The following RAB2A variants were observed in gnomAD, a reference collection of about 807,000 sequenced individuals.
The protein encoded by RAB2A is RAB2A, member RAS oncogene family.
RAB2A carries 7 observed loss-of-function variants against 32.5 expected under a neutral mutation model. The observed-to-expected ratio is 0.22, with a 90% CI of 0.12 to 0.40. RAB2A has a LOEUF of 0.40. RAB2A is among the 10% of genes least tolerant of loss of function. The pLI is 1.00. For missense variants in RAB2A, 108 were observed against 260.7 expected, an observed-to-expected ratio of 0.41 and a Z score of 4.03; for synonymous variants, 79 against 85.2, an observed-to-expected ratio of 0.93 and a Z score of 0.40.
intron 5 of RAB2A, among the ~76,000 whole-genome samples, chr8:60,590,793 T>C (rs1283128116): frequency 1.3e-5 from 2 of 151,656 alleles, no homozygotes; most frequent in Non-Finnish European, 2.9e-5. Context: ...AGTTAACAAG[T>C]TGTAAAACAG....
chr8:60,540,962 A>T (rs1807635409), intron 1 of RAB2A, among the ~76,000 whole-genome samples: 1 of 152,126 alleles, frequency 6.6e-6, no homozygotes, highest in Non-Finnish European at 1.5e-5. Flanking sequence ...GTGCATAGTA[A>T]TTTCCTTCCC....
intron 6 of RAB2A, among the ~76,000 whole-genome samples, chr8:60,596,880 C>T (rs891390480): frequency 2.6e-5 from 4 of 152,112 alleles, no homozygotes; most frequent in Admixed American, 6.5e-5. Flanking sequence ...AAGATCACAC[C>T]ATTGCACTCC....
At chr8:60,562,581 C>G (rs980607116) in intron 2 of RAB2A, among the ~76,000 whole-genome samples, 1 of 152,006 alleles carries the variant, frequency 6.6e-6, no homozygotes, top group African/African-American at 2.4e-5. Context: ...TAAATGTGCT[C>G]TATACATTCA....
intron 5 of RAB2A, 62 bp downstream of exon 5, chr8:60,584,877 C>G (rs575279225): frequency 3.3e-6 from 4 of 1,201,538 alleles, no homozygotes; most frequent in Non-Finnish European, 4.7e-6. Context: ...GTTTATTTGA[C>G]TACTTTCCTT....
At chr8:60,602,142 T>A (rs1804144579) in intron 6 of RAB2A, among the ~76,000 whole-genome samples, 1 of 152,118 alleles carries the variant, frequency 6.6e-6, no homozygotes, top group Admixed American at 6.5e-5. Context: ...CCTCCCAACG[T>A]GCTGGGATTA....
At chr8:60,566,064 C>A (rs1302633982) in intron 2 of RAB2A, among the ~76,000 whole-genome samples, 1 of 152,166 alleles carries the variant, frequency 6.6e-6, no homozygotes, top group Non-Finnish European at 1.5e-5. Context: ...AGAATATGAT[C>A]ATTGTGAAAA....
chr8:60,532,672 G>A (rs895077817), intron 1 of RAB2A, among the ~76,000 whole-genome samples: 8 of 152,186 alleles, frequency 5.3e-5, no homozygotes, highest in Admixed American at 3.3e-4. Context: ...CAGCACAGCC[G>A]GCTATTTTTG....
At chr8:60,592,012 A>G (rs1803951976) in intron 6 of RAB2A, 43 bp downstream of exon 6, 1 of 1,195,262 alleles carries the variant, frequency 8.4e-7, no homozygotes, top group Non-Finnish European at 1.2e-6. Context: ...TATACTTAAT[A>G]GAAATGTTTT....
intron 1 of RAB2A, chr8:60,558,416 CA>C (rs1325871138): frequency 2.0e-6 from 1 of 508,982 alleles, no homozygotes; most frequent in Non-Finnish European, 3.9e-6. Flanking sequence ...GAGCTTTTCC[CA>C]GAAAAGTAGA....
chr8:60,531,718 G>A (rs1807478590), intron 1 of RAB2A, among the ~76,000 whole-genome samples: 1 of 151,736 alleles, frequency 6.6e-6, no homozygotes, highest in Non-Finnish European at 1.5e-5. Flanking sequence ...ACTTGAGATT[G>A]AGAAGAATAT....
chr8:60,601,793 T>A (rs1040094061), intron 6 of RAB2A, among the ~76,000 whole-genome samples: 10 of 152,246 alleles, frequency 6.6e-5, no homozygotes, highest in African/African-American at 2.4e-4. Context: ...TTTAGGACAA[T>A]ACACTTTTAT....
intron 6 of RAB2A, among the ~76,000 whole-genome samples, chr8:60,615,526 A>G (rs1804434850): frequency 6.6e-6 from 1 of 152,232 alleles, no homozygotes; most frequent in African/African-American, 2.4e-5. Flanking sequence ...TTTAATGAAT[A>G]GAGTGAAATG....
chr8:60,582,112 A>G (rs1803768103), intron 3 of RAB2A, among the ~76,000 whole-genome samples: 1 of 151,754 alleles, frequency 6.6e-6, no homozygotes, highest in Admixed American at 6.6e-5. Context: ...CACCCAGCTA[A>G]TTTTTAAAAT....
At chr8:60,548,542 G>A (rs1807782949) in intron 1 of RAB2A, among the ~76,000 whole-genome samples, 1 of 122,422 alleles carries the variant, frequency 8.2e-6, no homozygotes, top group African/African-American at 3.5e-5. Flanking sequence ...CTCCCGGACG[G>A]GGCGGCTGGC....
In RAB2A at chr8:60,622,093, G is replaced by A. The variant is rs1184818890; in HGVS notation, c.*1324G>A. On this transcript the variant is annotated 3_prime_UTR_variant, in exon 8 of 8. Coordinates refer to ENST00000262646, the MANE Select transcript of RAB2A (RefSeq NM_002865.3). ...GGGTTTAAGCATGTTTTTTAAAAGG[G>A]TCAGAATGGTTAACACTCAACCCTT... The A allele has an allele frequency of 3.9e-5, 6 of 152,028 alleles. No homozygotes were observed. The highest frequency in any genetic ancestry group is 1.4e-4 in the African/African-American group (6 of 41,478). The allele number at this position is 152,028 out of a possible 1,614,324, so 9.4% of individuals were successfully genotyped here. A position where few individuals can be genotyped will look rare whatever the true frequency, so the allele number is the denominator to read the frequency against.
chr8:60,558,561 C>T (rs1554554089), intron 1 of RAB2A: 2 of 495,732 alleles, frequency 4.0e-6, no homozygotes, highest in Non-Finnish European at 7.7e-6. Context: ...GTAGTAGAGG[C>T]TACCAGAAGG....
In RAB2A at chr8:60,621,030, C is replaced by T. The variant is rs890154114; in HGVS notation, c.*261C>T. On this transcript the variant is annotated 3_prime_UTR_variant, in exon 8 of 8. Coordinates refer to ENST00000262646, the MANE Select transcript of RAB2A (RefSeq NM_002865.3). The stretch of plus-strand genomic sequence containing the variant: ...TATTTTTGTTAAATGTTGTCTTGTG[C>T]CCTTAACTACGAACTGAATTGTATT... 5.3e-6 allele frequency: 2 copies of T among 375,850 alleles called. No individual in the cohort carries two copies. The highest frequency in any genetic ancestry group is 9.6e-6 in the Non-Finnish European group (2 of 207,398). 23.3% of individuals were successfully genotyped at this position (375,850 alleles called of 1,614,324 possible). A position where few individuals can be genotyped will look rare whatever the true frequency, so the allele number is the denominator to read the frequency against.
intron 6 of RAB2A, among the ~76,000 whole-genome samples, chr8:60,603,337 A>G (rs376622253): frequency 2.0e-5 from 3 of 152,364 alleles, no homozygotes; most frequent in South Asian, 4.1e-4. Flanking sequence ...ATACAAGTGG[A>G]CACCATGAAG....
intron 6 of RAB2A, among the ~76,000 whole-genome samples, chr8:60,594,082 CAG>C (rs930020128): frequency 2.6e-5 from 4 of 152,000 alleles, no homozygotes; most frequent in African/African-American, 9.7e-5. Context: ...GTCTAAACTG[CAG>C]AGAGAAAATT....
Sources: gnomAD v4.1 joint callset for allele counts (sites outside exome capture counted in the v4.1 genomes callset) on GRCh38, gnomAD v4.1.1 for gene constraint, MANE v1.5 for transcripts, NCBI Gene and HGNC (gene_info 2026-07-23, HGNC 2026-07-21) for gene names.